Variants in NUCB1 observed in about 807,000 individuals in gnomAD.
NUCB1 encodes nucleobindin 1, also known as nucleobindin-1.
NUCB1 carries 47 observed loss-of-function variants against 61.2 expected under a neutral mutation model. The observed-to-expected ratio is 0.77, with a 90% CI of 0.61 to 0.98. The LOEUF is 0.98. Ranked by LOEUF, NUCB1 falls within the 50% of genes least tolerant of loss-of-function variation. The pLI, the probability that NUCB1 is intolerant of heterozygous loss-of-function variation, is 0.00. For synonymous variants in NUCB1, 234 were observed against 243.1 expected (o/e 0.96, Z 0.35); for missense variants, 583 against 605.3 (o/e 0.96, Z 0.39).
chr19:48,909,262 T>TTC (rs1281755449), intron 4 of NUCB1, among the ~76,000 whole-genome samples: 46 of 147,590 alleles, frequency 3.1e-4, no homozygotes, highest in African/African-American at 1.1e-3. Flanking sequence ...TTTTTTTTTT[T>TTC]CCAAGACAGA....
chr19:48,912,139 C>A (rs1227868811), intron 5 of NUCB1, among the ~76,000 whole-genome samples: 2 of 151,516 alleles, frequency 1.3e-5, no homozygotes, highest in African/African-American at 4.9e-5. Flanking sequence ...ATCCTCCCAC[C>A]TGACCCTCCT....
intron 5 of NUCB1, among the ~76,000 whole-genome samples, chr19:48,912,116 C>T (rs2037480881): frequency 6.6e-6 from 1 of 150,838 alleles, no homozygotes; most frequent in Non-Finnish European, 1.5e-5. Flanking sequence ...CCTCAACCTC[C>T]TGGGCTCAAG....
At chr19:48,913,960 TC>T (rs1383924750) in intron 7 of NUCB1, among the ~76,000 whole-genome samples, 1 of 150,782 alleles carries the variant, frequency 6.6e-6, no homozygotes, top group Non-Finnish European at 1.5e-5. Flanking sequence ...TTTCTCTTTT[TC>T]TTTTTCCTTT....
intron 4 of NUCB1, among the ~76,000 whole-genome samples, chr19:48,909,067 A>G (rs1000274457): frequency 1.3e-5 from 2 of 151,842 alleles, no homozygotes; most frequent in African/African-American, 4.8e-5. Context: ...TCAGAGTCCA[A>G]AGTGAAAGTA....
chr19:48,901,188 G>A, intron 2 of NUCB1: 1 of 598,194 alleles, frequency 1.7e-6, no homozygotes. Context: ...CACCCAAGAA[G>A]GAATTTGAAA....
chr19:48,905,794 C>T lies in NUCB1; in HGVS notation c.285C>T (p.His95=). The part of the protein sequence containing the change: ...LSRELDFVSH[H]VRTKLDELKR... Reference sequence around the variant, plus strand: ...GAGAGCTGGACTTTGTCAGCCACCACGTCCGCACCAAGCTGGATGAGCTCA... The same window carrying T: ...GAGAGCTGGACTTTGTCAGCCACCATGTCCGCACCAAGCTGGATGAGCTCA... The change falls in exon 4 of 13, where the codon CAC becomes CAT. Residue 95 remains histidine, a synonymous_variant. Coordinates refer to ENST00000405315, the MANE Select transcript of NUCB1 (RefSeq NM_006184.6). 3.7e-6 allele frequency: 6 copies of T among 1,614,064 alleles called. No homozygotes were observed. The highest frequency in any genetic ancestry group is 1.1e-5 in the South Asian group (1 of 91,088).
At chr19:48,904,554 T>G in intron 3 of NUCB1, 100 bp downstream of exon 3, 1 of 701,964 alleles carries the variant, frequency 1.4e-6, no homozygotes, top group Non-Finnish European at 2.4e-6. Flanking sequence ...AGACGGAGTC[T>G]TGCTCTGTCA....
At chr19:48,904,648 C>G (rs1345741378) in intron 3 of NUCB1, among the ~76,000 whole-genome samples, 194 bp downstream of exon 3, 1 of 152,024 alleles carries the variant, frequency 6.6e-6, no homozygotes, top group African/African-American at 2.4e-5. Context: ...CTCAACCTCC[C>G]AAGTAGCTGG....
chr19:48,913,649 G>C, intron 7 of NUCB1, 85 bp downstream of exon 7: 1 of 1,147,908 alleles, frequency 8.7e-7, no homozygotes, highest in Admixed American at 1.8e-5. Context: ...GGGTGTGTCT[G>C]TCCCAGGAGG....
intron 4 of NUCB1, among the ~76,000 whole-genome samples, chr19:48,907,248 C>T (rs1047939514): frequency 9.3e-5 from 14 of 149,744 alleles, no homozygotes; most frequent in Admixed American, 2.0e-4. Context: ...GCTGGGATTA[C>T]AGGTGTGAGC....
At position 48,922,590 on chromosome 19, in the gene NUCB1, T is replaced by A; in HGVS notation, c.*166T>A. 1 of 602,286 alleles carries A rather than the reference T, an allele frequency of 1.7e-6. No individual in the cohort carries two copies. Among genetic ancestry groups the A allele is most frequent in the Non-Finnish European group, 3.0e-6 (1 of 334,992 alleles). The allele number at this position is 602,286 out of a possible 1,614,324, so 37.3% of individuals were successfully genotyped here. ...ATTGCTGCCACCCCAGGTCCACCTGTCTCCACTTTCACAGCCTCCAAGTCT... is the reference window on the plus strand; with the variant it reads ...ATTGCTGCCACCCCAGGTCCACCTGACTCCACTTTCACAGCCTCCAAGTCT... On this transcript the variant is annotated 3_prime_UTR_variant, in exon 13 of 13. Transcript: ENST00000405315.
At chr19:48,902,335 T>A (rs2037360597) in intron 2 of NUCB1, among the ~76,000 whole-genome samples, 1 of 152,012 alleles carries the variant, frequency 6.6e-6, no homozygotes, top group African/African-American at 2.4e-5. Flanking sequence ...GGTCTCGATC[T>A]CTTGACCTCT....
chr19:48,906,122 T>G (rs1030734835), intron 4 of NUCB1, among the ~76,000 whole-genome samples: 2 of 152,110 alleles, frequency 1.3e-5, no homozygotes, highest in African/African-American at 4.8e-5. Context: ...ATCTTTATCA[T>G]GGGCTGGGCA....
chr19:48,914,309 C>T (rs1264384982), intron 7 of NUCB1, among the ~76,000 whole-genome samples: 1 of 151,934 alleles, frequency 6.6e-6, no homozygotes, highest in African/African-American at 2.4e-5. Flanking sequence ...ATCAAAGGCA[C>T]ACTCCCCTCA....
At chr19:48,917,491 T>C (rs1399994234) in intron 7 of NUCB1, among the ~76,000 whole-genome samples, 4 of 99,278 alleles carry the variant, frequency 4.0e-5, no homozygotes, top group African/African-American at 1.1e-4. Flanking sequence ...GCCCAGCCAA[T>C]TTTTAAATTT....
Position 48,905,758 on chromosome 19 carries a change from G to GA in NUCB1, c.251dup (p.Leu85AlafsTer18). Reference sequence around the variant, plus strand: ...AGGGTCTCCTCTCCTGTCAGAGCGGGAAGCTGAGCCGAGAGCTGGACTTTG... The same window carrying GA: ...AGGGTCTCCTCTCCTGTCAGAGCGGGAAAGCTGAGCCGAGAGCTGGACTTTG... On this transcript the variant is annotated frameshift_variant, in exon 4 of 13. Coordinates refer to ENST00000405315, the MANE Select transcript of NUCB1 (RefSeq NM_006184.6). LOFTEE classifies it high-confidence loss of function. The GA allele has an allele frequency of 1.2e-6, 2 of 1,614,070 alleles. No individual in the cohort carries two copies. The highest frequency in any genetic ancestry group is 1.7e-4 in the Middle Eastern group (1 of 6,060).
At chr19:48,907,651 G>A (rs959157293) in intron 4 of NUCB1, among the ~76,000 whole-genome samples, 6 of 152,140 alleles carry the variant, frequency 3.9e-5, no homozygotes, top group East Asian at 3.9e-4. Flanking sequence ...CACAGGTTCC[G>A]GGGATCAGGA....
At position 48,922,491 on chromosome 19, in the gene NUCB1, G is replaced by A; in HGVS notation, c.*67G>A. 7.4e-7 allele frequency: 1 copy of A among 1,351,164 alleles called. No individual in the cohort carries two copies. Among genetic ancestry groups the A allele is most frequent in the South Asian group, 1.2e-5 (1 of 85,020 alleles). 83.7% of individuals were successfully genotyped at this position (1,351,164 alleles called of 1,614,324 possible). A position where few individuals can be genotyped will look rare whatever the true frequency, so the allele number is the denominator to read the frequency against. On this transcript the variant is annotated 3_prime_UTR_variant, in exon 13 of 13. Transcript: ENST00000405315. ...GCGACTGATGGGCGCTGGATGAAGT[G>A]GCACAGTCAGCTTCCCTGGGGGCTG...
intron 2 of NUCB1, among the ~76,000 whole-genome samples, chr19:48,903,673 A>G (rs1014091972): frequency 0.02 from 254 of 12,658 alleles, no homozygotes; most frequent in Non-Finnish European, 0.021. Context: ...TGGGTGGATG[A>G]GTGGATGGAT....
Sources: allele counts gnomAD v4.1 joint callset (sites outside exome capture counted in the v4.1 genomes callset), GRCh38; gene constraint gnomAD v4.1.1; transcripts MANE v1.5; gene names NCBI Gene and HGNC (gene_info 2026-07-23, HGNC 2026-07-21).